Variants in MITF observed in about 807,000 individuals in gnomAD.
MITF encodes melanocyte inducing transcription factor.
MITF carries 17 observed loss-of-function variants against 60.5 expected under a neutral mutation model. That is an observed-to-expected ratio of 0.28 (90% CI 0.19 to 0.42). MITF has a LOEUF of 0.42. Among genes scored for constraint, MITF ranks in the 10% least tolerant of loss-of-function variants. The pLI is 1.00. For missense variants in MITF, 622 were observed against 683.5 expected, an observed-to-expected ratio of 0.91 and a Z score of 1.00; for synonymous variants, 260 against 248.5, an observed-to-expected ratio of 1.05 and a Z score of -0.43.
chr3:69,758,581 G>A, intron 1 of MITF: 1 of 190,848 alleles, frequency 5.2e-6, no homozygotes, highest in East Asian at 8.4e-5. Flanking sequence ...AGCTTCTTAT[G>A]TATCAATAGC....
intron 2 of MITF, among the ~76,000 whole-genome samples, chr3:69,910,169 A>G (rs146676591): frequency 0.016 from 2,384 of 152,280 alleles, 29 homozygotes; most frequent in Middle Eastern, 0.051. Flanking sequence ...AGCTTGGGCT[A>G]TGGCTTCAGA....
In MITF at chr3:69,950,627, G is replaced by GTATATATATA. The variant is rs143648888; in HGVS notation, c.881-1173_881-1164dup. On this transcript the variant is annotated intron_variant, in intron 6 of 9. Coordinates refer to ENST00000352241, the MANE Select transcript of MITF (RefSeq NM_001354604.2). Reference sequence around the variant, plus strand: ...CCCATATAATAAATATATATGGTGTGTATATATATATATATATATATGCTT... The same window carrying GTATATATATA: ...CCCATATAATAAATATATATGGTGTGTATATATATATATATATATATATATATATATGCTT... Among the ~76,000 whole-genome samples, 245 of 138,048 alleles carry GTATATATATA rather than the reference G, an allele frequency of 1.8e-3. 4 individuals are homozygous for GTATATATATA. The highest frequency in any genetic ancestry group is 6.2e-3 in the African/African-American group (233 of 37,296). 90.6% of individuals were successfully genotyped at this position (138,048 alleles called of 152,430 possible).
chr3:69,769,288 G>C (rs1249872920), intron 1 of MITF, among the ~76,000 whole-genome samples: 1 of 152,096 alleles, frequency 6.6e-6, no homozygotes, highest in Non-Finnish European at 1.5e-5. Context: ...AATTAAATGA[G>C]ATTATGCACA....
chr3:69,938,153 C>G (rs749918464), intron 3 of MITF, 104 bp downstream of exon 3: 286 of 1,308,486 alleles, frequency 2.2e-4, no homozygotes, highest in Non-Finnish European at 3.8e-5. Context: ...TCCTTGTGGC[C>G]ACATTTACCA....
intron 1 of MITF, among the ~76,000 whole-genome samples, chr3:69,806,826 G>A (rs1489570542): frequency 6.6e-6 from 1 of 152,158 alleles, no homozygotes; most frequent in African/African-American, 2.4e-5. Flanking sequence ...TGTTTCACTT[G>A]AGACTCTGTG....
At chr3:69,957,374 A>G (rs991238434) in intron 8 of MITF, among the ~76,000 whole-genome samples, 2 of 152,242 alleles carry the variant, frequency 1.3e-5, no homozygotes, top group African/African-American at 4.8e-5. Flanking sequence ...AGTATTATTC[A>G]TGCCAGGCTT....
chr3:69,784,454 A>G (rs1462423042), intron 1 of MITF, among the ~76,000 whole-genome samples: 2 of 152,228 alleles, frequency 1.3e-5, no homozygotes, highest in African/African-American at 4.8e-5. Flanking sequence ...CTGTGATCTC[A>G]GAATAGGTAG....
intron 7 of MITF, 94 bp from the exon 8 acceptor site, chr3:69,956,361 T>C (rs2066397276): frequency 1.0e-6 from 1 of 984,338 alleles, no homozygotes; most frequent in African/African-American, 1.6e-5. Flanking sequence ...TGTCATGACC[T>C]GGAGAAGTTA....
intron 1 of MITF, among the ~76,000 whole-genome samples, chr3:69,815,243 CA>C (rs2063163177): frequency 6.6e-6 from 1 of 152,140 alleles, no homozygotes. Flanking sequence ...TTGGTATGTG[CA>C]GAGTTCTAGC....
intron 2 of MITF, among the ~76,000 whole-genome samples, chr3:69,884,848 T>A (rs1348300150): frequency 6.6e-6 from 1 of 151,934 alleles, no homozygotes; most frequent in Non-Finnish European, 1.5e-5. Flanking sequence ...AATTTTTAGG[T>A]TTTATCTACT....
chr3:69,845,270 A>T (rs1474992735), intron 1 of MITF, among the ~76,000 whole-genome samples: 1 of 152,040 alleles, frequency 6.6e-6, no homozygotes, highest in Non-Finnish European at 1.5e-5. Context: ...AAATATTAAA[A>T]TTAGGAGAAT....
intron 2 of MITF, among the ~76,000 whole-genome samples, chr3:69,880,698 G>A (rs1432508534): frequency 6.6e-6 from 1 of 151,918 alleles, no homozygotes; most frequent in Non-Finnish European, 1.5e-5. Context: ...ATAGATTTAA[G>A]AATTATTTAA....
At chr3:69,849,260 G>C (rs926279526) in intron 1 of MITF, among the ~76,000 whole-genome samples, 5 of 152,102 alleles carry the variant, frequency 3.3e-5, no homozygotes, top group African/African-American at 1.2e-4. Flanking sequence ...CACCGCGCCC[G>C]GCCGGGCAAA....
Position 69,826,952 on chromosome 3 carries a change from A to G in MITF, c.105-52182A>G, listed in dbSNP as rs145264887. Among the ~76,000 whole-genome samples the G allele has an allele frequency of 2.3e-3, 350 of 152,178 alleles. 2 individuals carry two copies. The highest frequency in any genetic ancestry group is 8.1e-3 in the African/African-American group (338 of 41,514). ...TTCCTTTCCCTTCCTCTCTGCCACA[A>G]TTATTACCTGCCTGTTGTATTCTAG... On this transcript the variant is annotated intron_variant, in intron 1 of 9. Coordinates refer to ENST00000352241, the MANE Select transcript of MITF (RefSeq NM_001354604.2).
At chr3:69,871,408 A>G (rs779579570) in intron 1 of MITF, among the ~76,000 whole-genome samples, 1 of 152,126 alleles carries the variant, frequency 6.6e-6, no homozygotes, top group Admixed American at 6.5e-5. Flanking sequence ...CAACACCATA[A>G]CCTCATGAAC....
intron 1 of MITF, chr3:69,758,562 T>A (rs1396456995): frequency 1.1e-5 from 2 of 188,724 alleles, no homozygotes; most frequent in Non-Finnish European, 2.2e-5. Context: ...TATCTTTTAA[T>A]AAATCAAAAG....
intron 1 of MITF, chr3:69,769,872 G>A (rs1439303441): frequency 1.3e-5 from 2 of 152,158 alleles, no homozygotes; most frequent in African/African-American, 2.4e-5. Context: ...TTGGATTTCT[G>A]ATACAGAATA....
chr3:69,888,312 T>C (rs2064672186), intron 2 of MITF, among the ~76,000 whole-genome samples: 1 of 152,074 alleles, frequency 6.6e-6, no homozygotes, highest in African/African-American at 2.4e-5. Context: ...CACTGCATGG[T>C]AGTTCAGACT....
In MITF at chr3:69,846,691, C is replaced by T. The variant is rs1200674645; in HGVS notation, c.105-32443C>T. ...AATTAGCCAGGCATGTTGGTGTGTGCCTGTAATCCCAGCTGCTCAGGAGGC... is the reference window on the plus strand; with the variant it reads ...AATTAGCCAGGCATGTTGGTGTGTGTCTGTAATCCCAGCTGCTCAGGAGGC... On this transcript the variant is annotated intron_variant, in intron 1 of 9. Coordinates refer to ENST00000352241, the MANE Select transcript of MITF (RefSeq NM_001354604.2). Among the ~76,000 whole-genome samples the T allele has an allele frequency of 2.6e-5, 4 of 151,852 alleles. No individual in the cohort carries two copies. In the East Asian group the frequency reaches 7.8e-4, roughly 30 times the overall value.
Sources: allele counts gnomAD v4.1 joint callset (sites outside exome capture counted in the v4.1 genomes callset), GRCh38; gene constraint gnomAD v4.1.1; transcripts MANE v1.5; gene names NCBI Gene and HGNC (gene_info 2026-07-23, HGNC 2026-07-21).